The following SPAG16 variants were observed in gnomAD, a reference collection of about 807,000 sequenced individuals.
SPAG16 encodes the protein sperm-associated antigen 16 protein.
In SPAG16, 86 loss-of-function variants were observed where a neutral mutation model predicts 80.4. That is an observed-to-expected ratio of 1.07 (90% CI 0.90 to 1.28). The LOEUF (loss-of-function observed/expected upper bound fraction) is 1.28. SPAG16 is among the 50% of genes most tolerant of loss of function. The pLI, the probability that SPAG16 is intolerant of heterozygous loss-of-function variation, is 0.00. For missense variants in SPAG16, 870 were observed against 765.3 expected (o/e 1.14, Z -1.61); for synonymous variants, 294 against 265.9 (o/e 1.11, Z -1.03).
intron 12 of SPAG16, among the ~76,000 whole-genome samples, chr2:213,954,730 C>G (rs189927726): frequency 3.3e-5 from 5 of 152,250 alleles, no homozygotes; most frequent in Non-Finnish European, 1.5e-5. Flanking sequence ...AAAAGAGCTA[C>G]CAAACTGTTT....
chr2:213,576,208 G>C (rs1395355983), intron 10 of SPAG16, among the ~76,000 whole-genome samples: 1 of 152,050 alleles, frequency 6.6e-6, no homozygotes, highest in African/African-American at 2.4e-5. Flanking sequence ...GTTTTTGTCA[G>C]GTTTGTCAAA....
chr2:214,274,002 G>A (rs1692247341), intron 15 of SPAG16, among the ~76,000 whole-genome samples: 1 of 152,112 alleles, frequency 6.6e-6, no homozygotes, highest in Admixed American at 6.5e-5. Context: ...TCCTTGAAGA[G>A]GCCCTTCACA....
At chr2:213,550,451 C>G (rs2076747429) in intron 10 of SPAG16, among the ~76,000 whole-genome samples, 1 of 151,888 alleles carries the variant, frequency 6.6e-6, no homozygotes, top group African/African-American at 2.4e-5. Context: ...CATTTGGTTC[C>G]TTGGGAAAAC....
chr2:213,299,284 A>G (rs934580973), intron 3 of SPAG16, among the ~76,000 whole-genome samples: 10 of 151,962 alleles, frequency 6.6e-5, no homozygotes, highest in African/African-American at 2.2e-4. Context: ...ACATTTAAAT[A>G]CATTCTTGTT....
chr2:213,309,936 T>C (rs538796043), intron 3 of SPAG16, 123 bp from the exon 4 acceptor site: 6 of 613,656 alleles, frequency 9.8e-6, no homozygotes, highest in South Asian at 6.5e-5. Context: ...TCCTGGCATA[T>C]AACAGTCAAC....
At chr2:213,404,333 C>A (rs917253843) in intron 9 of SPAG16, among the ~76,000 whole-genome samples, 21 of 152,312 alleles carry the variant, frequency 1.4e-4, no homozygotes, top group African/African-American at 5.1e-4. Context: ...GTAACCAAAA[C>A]AGCATGGTAC....
At chr2:213,351,786 A>G (rs1370375612) in intron 7 of SPAG16, among the ~76,000 whole-genome samples, 2 of 152,042 alleles carry the variant, frequency 1.3e-5, no homozygotes, top group African/African-American at 4.8e-5. Flanking sequence ...GCAAAACATC[A>G]TTGTCTTGAT....
intron 9 of SPAG16, among the ~76,000 whole-genome samples, chr2:213,462,887 C>T (rs191027375): frequency 2.0e-5 from 3 of 152,044 alleles, no homozygotes; most frequent in Non-Finnish European, 4.4e-5. Flanking sequence ...TATCAAGATA[C>T]CCCAAAATGT....
At chr2:214,028,450 C>T (rs1014501209) in intron 13 of SPAG16, among the ~76,000 whole-genome samples, 1 of 151,984 alleles carries the variant, frequency 6.6e-6, no homozygotes. Flanking sequence ...ATAGAATTCT[C>T]AACTCAGCCA....
intron 15 of SPAG16, among the ~76,000 whole-genome samples, chr2:214,193,884 A>G (rs17816476): frequency 0.3 from 45,611 of 152,018 alleles, 8,548 homozygotes; most frequent in Non-Finnish European, 0.42. Flanking sequence ...TCTGTGTAAA[A>G]AAGTAGATCA....
chr2:213,487,865 C>T (rs2074056014), intron 9 of SPAG16, among the ~76,000 whole-genome samples: 1 of 151,968 alleles, frequency 6.6e-6, no homozygotes, highest in East Asian at 1.9e-4. Flanking sequence ...CCAACCCAAG[C>T]ATCATCATTA....
chr2:213,908,748 C>CT (rs55710221), intron 11 of SPAG16, among the ~76,000 whole-genome samples: 36,925 of 144,024 alleles, frequency 0.26, 5,587 homozygotes, highest in East Asian at 0.44. Flanking sequence ...CAAGATCATT[C>CT]TTTTTTTTTG....
intron 12 of SPAG16, among the ~76,000 whole-genome samples, chr2:214,002,859 A>T (rs1400726654): frequency 6.6e-6 from 1 of 152,150 alleles, no homozygotes; most frequent in East Asian, 1.9e-4. Flanking sequence ...TCCAAATGTT[A>T]ATCTCTTCTA....
chr2:213,499,427 A>G (rs1235164618), intron 10 of SPAG16, among the ~76,000 whole-genome samples: 2 of 152,138 alleles, frequency 1.3e-5, no homozygotes. Context: ...TCTTGTCACT[A>G]TGAATAGTCC....
chr2:213,707,846 C>T (rs912700471), intron 10 of SPAG16, among the ~76,000 whole-genome samples: 6 of 152,058 alleles, frequency 3.9e-5, no homozygotes, highest in Non-Finnish European at 8.8e-5. Context: ...ATCTGATATA[C>T]TGATACTGGG....
chr2:213,304,380 G>A (rs1451326202), intron 3 of SPAG16, among the ~76,000 whole-genome samples: 4 of 151,996 alleles, frequency 2.6e-5, no homozygotes, highest in African/African-American at 7.2e-5. Context: ...TTTAACTGAT[G>A]TGATCCCATT....
At chr2:213,329,431 T>C (rs2063989874) in intron 5 of SPAG16, among the ~76,000 whole-genome samples, 1 of 152,142 alleles carries the variant, frequency 6.6e-6, no homozygotes. Flanking sequence ...GTGACTCTTG[T>C]TATGTTTTAG....
intron 9 of SPAG16, among the ~76,000 whole-genome samples, chr2:213,479,486 G>C (rs776647627): frequency 4.6e-5 from 7 of 151,988 alleles, no homozygotes; most frequent in African/African-American, 7.3e-5. Flanking sequence ...GTGTTTACTA[G>C]TGTATTTCAG....
chr2:214,116,720 C>T (rs994035877), intron 14 of SPAG16, among the ~76,000 whole-genome samples: 1 of 152,192 alleles, frequency 6.6e-6, no homozygotes, highest in Non-Finnish European at 1.5e-5. Flanking sequence ...AAGTCTTCCC[C>T]AGGTCCATCT....
Sources: allele counts gnomAD v4.1 joint callset (sites outside exome capture counted in the v4.1 genomes callset), GRCh38; gene constraint gnomAD v4.1.1; transcripts MANE v1.5; gene names NCBI Gene and HGNC (gene_info 2026-07-23, HGNC 2026-07-21).